Variants in WDR13 observed in about 807,000 individuals in gnomAD.
WDR13 encodes the protein WD repeat-containing protein 13.
Under a neutral mutation model 28.6 loss-of-function variants are expected in WDR13, and 1 was observed. The observed-to-expected ratio is 0.03, with a 90% CI of 0.01 to 0.17. WDR13 has a LOEUF of 0.17. Ranked by LOEUF, WDR13 falls within the 10% of genes least tolerant of loss-of-function variation. The pLI is 1.00. For missense variants in WDR13, 264 were observed against 469.3 expected (o/e 0.56, Z 4.04); for synonymous variants, 201 against 185.9 (o/e 1.08, Z -0.66).
rs1343043837 is a variant in WDR13, at chrX:48,607,067, CA to C, written c.*2037del. On this transcript the variant is annotated 3_prime_UTR_variant, in exon 10 of 10. Transcript: ENST00000376729. ...GTGTCATGGTCCTCAATACCAGCCCCAAGCCCAGTGATTTGCTAGGAGGACT... is the reference window on the plus strand; with the variant it reads ...GTGTCATGGTCCTCAATACCAGCCCCAGCCCAGTGATTTGCTAGGAGGACT... 2 of 95,894 alleles carry C rather than the reference CA, an allele frequency of 2.1e-5. No homozygotes were observed. Among genetic ancestry groups the C allele is most frequent in the African/African-American group, 3.6e-5 (1 of 28,085 alleles). The allele number at this position is 95,894 out of a possible 1,213,427, so 7.9% of individuals were successfully genotyped here. A position where few individuals can be genotyped will look rare whatever the true frequency, so the allele number is the denominator to read the frequency against.
chrX:48,604,069 G>A (rs2737792), intron 8 of WDR13: 1 of 394,256 alleles, frequency 2.5e-6, no homozygotes, highest in Admixed American at 4.4e-5. Context: ...AGCCTAGGAG[G>A]TTGAGGCTGC....
rs2062228092 is a variant in WDR13 at position 48,607,418 on chromosome X, A to G, written c.*2386A>G. 1 of 81,212 alleles carries G rather than the reference A, an allele frequency of 1.2e-5. No individual in the cohort carries two copies. The highest frequency in any genetic ancestry group is 4.7e-5 in the African/African-American group (1 of 21,489). 6.7% of individuals were successfully genotyped at this position (81,212 alleles called of 1,213,427 possible). ...GGTCTTGCTCTGACGCCCAGGCTGG[A>G]ATGCAGTGGCATGATCTTGGCTCAC... On this transcript the variant is annotated 3_prime_UTR_variant, in exon 10 of 10. Coordinates refer to ENST00000376729, the MANE Select transcript of WDR13 (RefSeq NM_001347217.2).
At position 48,602,312 on chromosome X, in the gene WDR13, TAGTAGC is replaced by T. The variant is rs1314864512; in HGVS notation, c.1154+111_1154+116del. 3 of 914,152 alleles carry T rather than the reference TAGTAGC, an allele frequency of 3.3e-6. No homozygotes were observed. The African/African-American group carries it at 5.8e-5, about 18-fold the overall frequency. The allele number at this position is 914,152 out of a possible 1,213,427, so 75.3% of individuals were successfully genotyped here. A position where few individuals can be genotyped will look rare whatever the true frequency, so the allele number is the denominator to read the frequency against. ...CAGGTTAATTTAATTGAGGGAGCAG[TAGTAGC>T]AGTAACAGTAATAGCAGTAGTGAGC... On this transcript the variant is annotated intron_variant, in intron 8 of 9. Coordinates refer to ENST00000376729, the MANE Select transcript of WDR13 (RefSeq NM_001347217.2).
intron 8 of WDR13, among the ~76,000 whole-genome samples, chrX:48,602,947 C>T (rs1254216004): frequency 9.0e-6 from 1 of 110,655 alleles, no homozygotes; most frequent in Non-Finnish European, 1.9e-5. Context: ...CAGTAAAGCC[C>T]ATTAATGATC....
intron 1 of WDR13, 80 bp from the exon 2 acceptor site, chrX:48,597,878 T>C (rs1556993088): frequency 7.4e-6 from 8 of 1,084,151 alleles, no homozygotes; most frequent in Non-Finnish European, 8.5e-6. Flanking sequence ...TCGATGTCTA[T>C]GGCAATGGTC....
chrX:48,599,409 C>A lies in WDR13; in HGVS notation c.339C>A (p.Ser113Arg). The change falls in exon 4 of 10, where the codon AGC (serine) becomes AGA (arginine). Residue 113 changes from serine to arginine, a missense_variant. Physicochemically the swap from Ser to Arg is moderately radical, Grantham distance 110. This residue lies in a region of WDR13 where 74 missense variants were observed against 89.3 expected (regional missense o/e 0.83). Coordinates refer to ENST00000376729, the MANE Select transcript of WDR13 (RefSeq NM_001347217.2). ...LGARGHRRSV[S>R]RGSYQLQAQM... The stretch of plus-strand genomic sequence containing the variant: ...CCCGTGGGCACCGTCGTTCTGTCAG[C>A]AGAGGCTCCTACCAGCTGCAGGCGC... The A allele has an allele frequency of 8.3e-7, 1 of 1,211,100 alleles. No homozygotes were observed. The highest frequency in any genetic ancestry group is 1.1e-6 in the Non-Finnish European group (1 of 894,904).
Position 48,601,077 on chromosome X carries a change from C to T in WDR13, c.831+451C>T, listed in dbSNP as rs782786301. 6.3e-5 allele frequency among the ~76,000 whole-genome samples: 7 copies of T among 111,972 alleles called. No homozygotes were observed. The East Asian group carries it at 8.5e-4, about 14-fold the overall frequency. ...ACCACTGGGCGACAGAGCGAGACTCCGCCCCCACCCCCCATAAAAAGGGGA... is the reference window on the plus strand; with the variant it reads ...ACCACTGGGCGACAGAGCGAGACTCTGCCCCCACCCCCCATAAAAAGGGGA... On this transcript the variant is annotated intron_variant, in intron 6 of 9. Transcript: ENST00000376729.
In WDR13 at chrX:48,606,269, C is replaced by A. The variant is rs782566885; in HGVS notation, c.*1237C>A. ...AGGGTAGTGACAGTGGAGGAGTTGGCGGGGGAATGTTGGGTCGGACCCCCA... is the reference window on the plus strand; with the variant it reads ...AGGGTAGTGACAGTGGAGGAGTTGGAGGGGGAATGTTGGGTCGGACCCCCA... On this transcript the variant is annotated 3_prime_UTR_variant, in exon 10 of 10. Transcript: ENST00000376729. 1 of 105,155 alleles carries A rather than the reference C, an allele frequency of 9.5e-6. No homozygotes were observed. The highest frequency in any genetic ancestry group is 1.9e-5 in the Non-Finnish European group (1 of 51,366). 8.7% of individuals were successfully genotyped at this position (105,155 alleles called of 1,213,427 possible). A position where few individuals can be genotyped will look rare whatever the true frequency, so the allele number is the denominator to read the frequency against.
intron 6 of WDR13, 88 bp downstream of exon 6, chrX:48,600,714 C>G (rs57467079): frequency 0.35 from 379,748 of 1,070,717 alleles, 47,202 homozygotes; most frequent in East Asian, 0.45. Context: ...GGAGGGACAG[C>G]CAGGGGGGGC....
intron 8 of WDR13, among the ~76,000 whole-genome samples, chrX:48,603,523 C>T (rs1184755237): frequency 8.9e-6 from 1 of 111,732 alleles, no homozygotes; most frequent in Non-Finnish European, 1.9e-5. Flanking sequence ...TGGCAGGCGC[C>T]TATAATCCCA....
intron 8 of WDR13, among the ~76,000 whole-genome samples, chrX:48,603,722 C>T (rs1404684944): frequency 1.8e-5 from 2 of 110,946 alleles, no homozygotes; most frequent in Non-Finnish European, 3.8e-5. Flanking sequence ...TTGTGGAAAC[C>T]CCCCCAGGTT....
rs1329397988 is a variant in WDR13, at chrX:48,606,965, C to G, written c.*1933C>G. The stretch of plus-strand genomic sequence containing the variant: ...TAACTGGCACTTCCATCTAATAGAC[C>G]TCAGGGTACATGGTGGTGAGATAGG... On this transcript the variant is annotated 3_prime_UTR_variant, in exon 10 of 10. Coordinates refer to ENST00000376729, the MANE Select transcript of WDR13 (RefSeq NM_001347217.2). 1 of 111,179 alleles carries G rather than the reference C, an allele frequency of 9.0e-6. No homozygotes were observed. Among genetic ancestry groups the G allele is most frequent in the Admixed American group, 9.6e-5 (1 of 10,377 alleles). 9.2% of individuals were successfully genotyped at this position (111,179 alleles called of 1,213,427 possible). A position where few individuals can be genotyped will look rare whatever the true frequency, so the allele number is the denominator to read the frequency against.
rs781821276 is a variant in WDR13, at chrX:48,601,977, C to T, written c.1012+13C>T. On this transcript the variant is annotated intron_variant, in intron 7 of 9. Transcript: ENST00000376729. ...GATATGGCCACAGGTAGGCAGACAG[C>T]AGGCCTGCATCTGGGTGCTCGCCCT... The T allele has an allele frequency of 8.4e-7, 1 of 1,190,590 alleles. No homozygotes were observed. Among genetic ancestry groups the T allele is most frequent in the South Asian group, 1.8e-5 (1 of 54,317 alleles).
chrX:48,601,689 G>C, intron 6 of WDR13, 95 bp from the exon 7 acceptor site: 1 of 925,897 alleles, frequency 1.1e-6, no homozygotes, highest in Non-Finnish European at 1.5e-6. Context: ...CTCTAATAGG[G>C]ACCAGCCAGT....
chrX:48,597,709 C>A lies in WDR13; in HGVS notation c.-40+95C>A, dbSNP rs374601196. Reference sequence around the variant, plus strand: ...GGTGGAGAATGTCAAGCAAGGAATGCTAGGCGGGGGAGGGGCGTTGCTATG... The same window carrying A: ...GGTGGAGAATGTCAAGCAAGGAATGATAGGCGGGGGAGGGGCGTTGCTATG... On this transcript the variant is annotated intron_variant, in intron 1 of 9. Transcript: ENST00000376729. 6 of 325,740 alleles carry A rather than the reference C, an allele frequency of 1.8e-5. No homozygotes were observed. In the East Asian group the frequency reaches 2.6e-4, roughly 14 times the overall value. The allele number at this position is 325,740 out of a possible 1,213,427, so 26.8% of individuals were successfully genotyped here.
At chrX:48,604,154 A>T (rs782139963) in intron 8 of WDR13, 118 bp from the exon 9 acceptor site, 206 of 601,510 alleles carry the variant, frequency 3.4e-4, no homozygotes, top group Non-Finnish European at 4.7e-4. Flanking sequence ...CAAAAAAAAA[A>T]ATATGGGTTT....
rs1332704389 is a variant in WDR13, at chrX:48,608,017, G to C, written c.*2985G>C. 1 of 109,780 alleles carries C rather than the reference G, an allele frequency of 9.1e-6. No individual in the cohort carries two copies. The highest frequency in any genetic ancestry group is 2.8e-4 in the East Asian group (1 of 3,518). 9.0% of individuals were successfully genotyped at this position (109,780 alleles called of 1,213,427 possible). Reference sequence around the variant, plus strand: ...CATCTCTTGACCTTGTGATCCGCCTGCCTCGACCTCCCAAAGTGCTGGGAT... The same window carrying C: ...CATCTCTTGACCTTGTGATCCGCCTCCCTCGACCTCCCAAAGTGCTGGGAT... On this transcript the variant is annotated 3_prime_UTR_variant, in exon 10 of 10. Coordinates refer to ENST00000376729, the MANE Select transcript of WDR13 (RefSeq NM_001347217.2).
chrX:48,602,042 C>T (rs782234111), intron 7 of WDR13, 23 bp from the exon 8 acceptor site: 7 of 1,208,393 alleles, frequency 5.8e-6, no homozygotes, highest in Non-Finnish European at 7.8e-6. Flanking sequence ...TCACCTTTGC[C>T]TTCCCTCCCT....
Position 48,605,447 on chromosome X carries a change from A to G in WDR13, c.*415A>G, listed in dbSNP as rs184184981. Reference sequence around the variant, plus strand: ...CGGAGACAGTAGATAAAAACATGGAACAGGCCAGCTAATGATGAGTGGTAT... The same window carrying G: ...CGGAGACAGTAGATAAAAACATGGAGCAGGCCAGCTAATGATGAGTGGTAT... On this transcript the variant is annotated 3_prime_UTR_variant, in exon 10 of 10. Coordinates refer to ENST00000376729, the MANE Select transcript of WDR13 (RefSeq NM_001347217.2). The G allele has an allele frequency of 5.4e-4, 71 of 131,919 alleles. 1 individual carries two copies. Among genetic ancestry groups the G allele is most frequent in the African/African-American group, 2.1e-3 (67 of 32,139 alleles). The allele number at this position is 131,919 out of a possible 1,213,427, so 10.9% of individuals were successfully genotyped here. A position where few individuals can be genotyped will look rare whatever the true frequency, so the allele number is the denominator to read the frequency against.
Sources: allele counts gnomAD v4.1 joint callset (sites outside exome capture counted in the v4.1 genomes callset), GRCh38; gene constraint gnomAD v4.1.1; regional missense constraint gnomAD v4.1.1; transcripts MANE v1.5; gene names NCBI Gene and HGNC (gene_info 2026-07-23, HGNC 2026-07-21).